Variants in QRSL1 observed in about 807,000 individuals in gnomAD.
QRSL1 encodes glutaminyl-tRNA amidotransferase subunit QRSL1.
In QRSL1, 54 loss-of-function variants were observed where a neutral mutation model predicts 61.6. The ratio of observed to expected loss-of-function variants is 0.88; its 90% CI spans 0.70 to 1.10. The LOEUF is 1.10. Ranked by LOEUF, QRSL1 falls within the 50% of genes least tolerant of loss-of-function variation. QRSL1 has a pLI of 0.00. For synonymous variants in QRSL1, 228 were observed against 225.7 expected, an observed-to-expected ratio of 1.01 and a Z score of -0.09; for missense variants, 505 against 622.6, an observed-to-expected ratio of 0.81 and a Z score of 2.01.
chr6:106,652,815 G>A, intron 7 of QRSL1: 1 of 1,417,916 alleles, frequency 7.1e-7, no homozygotes, highest in Non-Finnish European at 9.3e-7. Context: ...GTCATGTTAA[G>A]TCTGTAAATT....
rs1391907736 is a variant in QRSL1, at chr6:106,663,147, C to A, written c.1328C>A (p.Ala443Asp). The change falls in exon 10 of 11, where the codon GCC (alanine) becomes GAC (aspartate). Residue 443 changes from alanine (A) to aspartate (D), a missense_variant. Coordinates refer to ENST00000369046, the MANE Select transcript of QRSL1 (RefSeq NM_018292.5). ...FIKEDNRTRS[A>D]QDDIFTQAVN... Reference sequence around the variant, plus strand: ...AAAGAGGACAACAGAACCCGAAGTGCCCAGGATGATATTTTTACACAAGCT... The same window carrying A: ...AAAGAGGACAACAGAACCCGAAGTGACCAGGATGATATTTTTACACAAGCT... The A allele has an allele frequency of 6.2e-7, 1 of 1,614,110 alleles. No homozygotes were observed.
At chr6:106,654,638 A>T (rs1777239514) in intron 7 of QRSL1, 92 bp from the exon 8 acceptor site, 1 of 1,165,680 alleles carries the variant, frequency 8.6e-7, no homozygotes, top group Admixed American at 2.8e-5. Flanking sequence ...TGAAGTACAG[A>T]TTTTTATAAA....
chr6:106,645,204 C>T (rs902339479), intron 4 of QRSL1, among the ~76,000 whole-genome samples: 5 of 152,068 alleles, frequency 3.3e-5, no homozygotes, highest in Admixed American at 3.3e-4. Flanking sequence ...TAATCTAGAT[C>T]TGTTATATTC....
At chr6:106,664,940 A>G (rs1054872440) in intron 10 of QRSL1, among the ~76,000 whole-genome samples, 4 of 152,204 alleles carry the variant, frequency 2.6e-5, no homozygotes, top group Admixed American at 6.5e-5. Flanking sequence ...GAGAATTACA[A>G]AATTCTGGCT....
At chr6:106,632,481 G>A (rs985755896) in intron 1 of QRSL1, among the ~76,000 whole-genome samples, 1 of 151,982 alleles carries the variant, frequency 6.6e-6, no homozygotes, top group African/African-American at 2.4e-5. Flanking sequence ...CTCCCAAAGT[G>A]CTAGGATTAC....
At chr6:106,642,506 C>G (rs1777037570) in intron 3 of QRSL1, 1 of 696,516 alleles carries the variant, frequency 1.4e-6, no homozygotes. Flanking sequence ...TATGTGTTTT[C>G]TAGGCCTTTT....
chr6:106,655,562 C>A, intron 8 of QRSL1, 53 bp from the exon 9 acceptor site: 96 of 982,652 alleles, frequency 9.8e-5, no homozygotes, highest in Non-Finnish European at 1.3e-4. Context: ...TTAGCCAAAA[C>A]TTTACTGACT....
At chr6:106,643,837 C>T (rs1286043421) in intron 4 of QRSL1, among the ~76,000 whole-genome samples, 1 of 151,468 alleles carries the variant, frequency 6.6e-6, no homozygotes, top group African/African-American at 2.4e-5. Flanking sequence ...TGATAAAGTC[C>T]AGTTTATCAA....
At chr6:106,643,668 G>A (rs1048939068) in intron 4 of QRSL1, among the ~76,000 whole-genome samples, 17 of 148,456 alleles carry the variant, frequency 1.1e-4, no homozygotes, top group Middle Eastern at 3.5e-3. Context: ...CTACAAGAGT[G>A]CAACTCTGTC....
intron 9 of QRSL1, among the ~76,000 whole-genome samples, chr6:106,657,072 C>A (rs1777282680): frequency 6.6e-6 from 1 of 152,154 alleles, no homozygotes; most frequent in South Asian, 2.1e-4. Context: ...GAGTTCGAGA[C>A]CAGCTGGCCA....
chr6:106,639,912 T>C (rs1229981978), intron 1 of QRSL1, among the ~76,000 whole-genome samples: 2 of 152,204 alleles, frequency 1.3e-5, no homozygotes, highest in Non-Finnish European at 2.9e-5. Context: ...AAAGATCTTA[T>C]TTAGAGAGCC....
In QRSL1 at chr6:106,652,360, G is replaced by A. The variant is rs758250242; in HGVS notation, c.709G>A (p.Val237Met). The stretch of plus-strand genomic sequence containing the variant: ...TGTGCCAGGAATCTTAACCAGATGT[G>A]TGGATGATGCAGCAATTGTGTTGGG... The part of the protein sequence containing the change: ...MDVPGILTRC[V>M]DDAAIVLGAL... The change falls in exon 6 of 11, where the codon GTG (valine) becomes ATG (methionine). Residue 237 changes from valine (V) to methionine (M), a missense_variant. Val to Met is a conservative substitution (Grantham distance 21). Transcript: ENST00000369046. 1.2e-6 allele frequency: 2 copies of A among 1,614,064 alleles called. No individual in the cohort carries two copies. Among genetic ancestry groups the A allele is most frequent in the Non-Finnish European group, 1.7e-6 (2 of 1,180,044 alleles).
At chr6:106,632,347 G>A (rs753178740) in intron 1 of QRSL1, among the ~76,000 whole-genome samples, 4 of 151,994 alleles carry the variant, frequency 2.6e-5, no homozygotes, top group Non-Finnish European at 4.4e-5. Context: ...GGGATTGCTG[G>A]ATCGTATGGT....
chr6:106,654,319 C>T (rs1777232790), intron 7 of QRSL1, among the ~76,000 whole-genome samples: 1 of 151,284 alleles, frequency 6.6e-6, no homozygotes, highest in Non-Finnish European at 1.5e-5. Context: ...CACTGCACTC[C>T]AGCCTGGGCG....
At chr6:106,634,690 T>A (rs1390679963) in intron 1 of QRSL1, among the ~76,000 whole-genome samples, 2 of 151,828 alleles carry the variant, frequency 1.3e-5, no homozygotes, top group Non-Finnish European at 2.9e-5. Flanking sequence ...CACTTGAGCC[T>A]CGGAGGTTGA....
At chr6:106,660,807 G>T (rs1222700568) in intron 9 of QRSL1, among the ~76,000 whole-genome samples, 1 of 152,036 alleles carries the variant, frequency 6.6e-6, no homozygotes, top group African/African-American at 2.4e-5. Flanking sequence ...AGAAAGCAAG[G>T]GTGGGGAGAA....
rs540194989 is a variant in QRSL1, at chr6:106,666,140, C to T, written c.*138C>T. On this transcript the variant is annotated 3_prime_UTR_variant, in exon 11 of 11. Coordinates refer to ENST00000369046, the MANE Select transcript of QRSL1 (RefSeq NM_018292.5). The stretch of plus-strand genomic sequence containing the variant: ...CAGCCTGGTCAACATGGTGAAACCC[C>T]GTCTCTACTAAAAATACAAAAATTA... 1.0e-5 allele frequency: 7 copies of T among 696,704 alleles called. No individual in the cohort carries two copies. Among genetic ancestry groups the T allele is most frequent in the African/African-American group, 9.0e-5 (5 of 55,538 alleles). The allele number at this position is 696,704 out of a possible 1,614,324, so 43.2% of individuals were successfully genotyped here.
intron 1 of QRSL1, among the ~76,000 whole-genome samples, chr6:106,637,898 T>C (rs926015642): frequency 1.3e-5 from 2 of 152,216 alleles, no homozygotes; most frequent in African/African-American, 4.8e-5. Flanking sequence ...TGATTTTTTT[T>C]CTCAAATCTA....
intron 4 of QRSL1, among the ~76,000 whole-genome samples, chr6:106,647,368 A>T (rs1294519790): frequency 6.6e-6 from 1 of 151,598 alleles, no homozygotes; most frequent in East Asian, 2.0e-4. Context: ...GCTTGGGCAC[A>T]GTGGCCCACA....
Sources: gnomAD v4.1 joint callset for allele counts (sites outside exome capture counted in the v4.1 genomes callset) on GRCh38, gnomAD v4.1.1 for gene constraint, MANE v1.5 for transcripts, NCBI Gene and HGNC (gene_info 2026-07-23, HGNC 2026-07-21) for gene names.